The following PCDHA2 variants were observed in gnomAD, a reference collection of about 807,000 sequenced individuals.
The protein encoded by PCDHA2 is protocadherin alpha 2.
PCDHA2 carries 58 observed loss-of-function variants against 66.0 expected under a neutral mutation model. The ratio of observed to expected loss-of-function variants is 0.88; its 90% confidence interval spans 0.71 to 1.09. The LOEUF (loss-of-function observed/expected upper bound fraction) is 1.09, where lower values mean the gene tolerates loss of function less well. Ranked by LOEUF, PCDHA2 falls within the 50% of genes least tolerant of loss-of-function variation. The pLI, the probability that PCDHA2 is intolerant of heterozygous loss-of-function variation, is 0.00. For missense variants in PCDHA2, 1,267 were observed against 1,242.3 expected (o/e 1.02, Z -0.30); for synonymous variants, 634 against 554.0 (o/e 1.14, Z -2.03).
At chr5:140,868,636 TCTCA>T (rs1554162146) in intron 1 of PCDHA2, 1 of 156,044 alleles carries the variant, frequency 6.4e-6, no homozygotes, top group East Asian at 1.9e-4. Flanking sequence ...TCTCTTTCTC[TCTCA>T]CTCTGTGTAT....
chr5:140,848,002 AG>A, intron 1 of PCDHA2: 1 of 156,592 alleles, frequency 6.4e-6, no homozygotes, highest in Admixed American at 6.0e-5. Flanking sequence ...CCAGAACAAA[AG>A]AATTTTGTAA....
intron 3 of PCDHA2, among the ~76,000 whole-genome samples, chr5:140,985,666 A>G (rs547448150): frequency 1.3e-5 from 2 of 151,942 alleles, no homozygotes; most frequent in South Asian, 4.2e-4. Flanking sequence ...GAATAAAGGA[A>G]GTGGGGCCTG....
chr5:141,000,447 G>C (rs2097938373), intron 3 of PCDHA2, among the ~76,000 whole-genome samples: 1 of 41,758 alleles, frequency 2.4e-5, no homozygotes, highest in Admixed American at 2.7e-4. Flanking sequence ...TTTTTTTTGA[G>C]ACAGAGTTTT....
chr5:140,841,773 G>C (rs1292935559), intron 1 of PCDHA2: 2 of 1,613,894 alleles, frequency 1.2e-6, no homozygotes, highest in East Asian at 4.5e-5. Flanking sequence ...CCAGACTCTC[G>C]GTTTCCGCTA....
At chr5:140,973,400 A>G (rs2096585870) in intron 1 of PCDHA2, among the ~76,000 whole-genome samples, 1 of 152,244 alleles carries the variant, frequency 6.6e-6, no homozygotes, top group Non-Finnish European at 1.5e-5. Flanking sequence ...AATCATATCT[A>G]TGAGCTTCCA....
chr5:140,883,740 C>G (rs2059789153), intron 1 of PCDHA2: 1 of 1,613,368 alleles, frequency 6.2e-7, no homozygotes, highest in Non-Finnish European at 8.5e-7. Context: ...GCGCTGGTCT[C>G]CTACTCGCTG....
intron 1 of PCDHA2, among the ~76,000 whole-genome samples, chr5:140,971,149 G>C (rs2096459410): frequency 1.3e-5 from 2 of 152,200 alleles, no homozygotes; most frequent in Admixed American, 1.3e-4. Context: ...GAACAAGTCA[G>C]GCCAGGCTCA....
rs560256618 is a variant in PCDHA2 at position 140,999,889 on chromosome 5, C to T, written c.2537-9738C>T. Among the ~76,000 whole-genome samples the T allele has an allele frequency of 2.0e-5, 3 of 152,292 alleles. No homozygotes were observed. In the East Asian group the frequency reaches 5.8e-4, roughly 29 times the overall value. ...TTACTGAAAATTAGCCCAGCTGTAG[C>T]TTGGGACACCAAACAGCCAAAAAAT... On this transcript the variant is annotated intron_variant, in intron 3 of 3. Coordinates refer to ENST00000526136, the MANE Select transcript of PCDHA2 (RefSeq NM_018905.3).
At chr5:140,861,509 G>A (rs2046952597) in intron 1 of PCDHA2, 1 of 479,912 alleles carries the variant, frequency 2.1e-6, no homozygotes, top group Non-Finnish European at 4.3e-6. Context: ...ACCTCGAGGA[G>A]CTGTGTGGGA....
chr5:140,799,212 A>T (rs1328524413), intron 1 of PCDHA2, among the ~76,000 whole-genome samples: 1 of 152,102 alleles, frequency 6.6e-6, no homozygotes, highest in Non-Finnish European at 1.5e-5. Flanking sequence ...TTCTAAACTC[A>T]TAGTTCCTTT....
chr5:141,011,924 AG>A lies in PCDHA2; in HGVS notation c.*1989del, dbSNP rs1246091886. Reference sequence around the variant, plus strand: ...ATTTAGGCATTAATATAAAAGAGGTAGGAGTCTGTTATTTAAAAAAAGCATT... The same window carrying A: ...ATTTAGGCATTAATATAAAAGAGGTAGAGTCTGTTATTTAAAAAAAGCATT... On this transcript the variant is annotated 3_prime_UTR_variant, in exon 4 of 4. Coordinates refer to ENST00000526136, the MANE Select transcript of PCDHA2 (RefSeq NM_018905.3). 1 of 153,728 alleles carries A rather than the reference AG, an allele frequency of 6.5e-6. No homozygotes were observed. Among genetic ancestry groups the A allele is most frequent in the Non-Finnish European group, 1.5e-5 (1 of 68,042 alleles). 9.5% of individuals were successfully genotyped at this position (153,728 alleles called of 1,614,324 possible).
At chr5:140,912,654 G>T (rs1411811349) in intron 1 of PCDHA2, among the ~76,000 whole-genome samples, 4 of 152,076 alleles carry the variant, frequency 2.6e-5, no homozygotes, top group Non-Finnish European at 5.9e-5. Flanking sequence ...GAATAGAAGT[G>T]GTGAAAATGG....
At chr5:140,848,935 C>G (rs1363080082) in intron 1 of PCDHA2, 1 of 1,607,474 alleles carries the variant, frequency 6.2e-7, no homozygotes, top group Non-Finnish European at 8.5e-7. Context: ...GAATCCAGGC[C>G]GCTTGACTCT....
intron 3 of PCDHA2, among the ~76,000 whole-genome samples, chr5:140,997,614 A>G (rs1355709943): frequency 6.6e-6 from 1 of 152,148 alleles, no homozygotes; most frequent in Admixed American, 6.6e-5. Context: ...GCATGACTAT[A>G]TAGAGATTTT....
intron 1 of PCDHA2, chr5:140,815,363 A>G (rs1247276822): frequency 6.6e-6 from 1 of 151,708 alleles, no homozygotes; most frequent in Non-Finnish European, 1.5e-5. Flanking sequence ...TTCCATAGGT[A>G]TTTTCTTTGT....
chr5:140,803,609 A>G (rs1554122900), intron 1 of PCDHA2: 1 of 1,613,950 alleles, frequency 6.2e-7, no homozygotes, highest in Admixed American at 1.7e-5. Context: ...ATTTTTATTT[A>G]TTCTTTCCAA....
At chr5:140,852,956 C>G (rs2042556592) in intron 1 of PCDHA2, 1 of 438,466 alleles carries the variant, frequency 2.3e-6, no homozygotes, top group Non-Finnish European at 3.1e-6. Flanking sequence ...TTGGCTCACT[C>G]CAAGCTCCCC....
chr5:140,969,292 C>G, intron 1 of PCDHA2: 2 of 1,614,208 alleles, frequency 1.2e-6, no homozygotes, highest in Non-Finnish European at 1.7e-6. Context: ...ATGCTGGGAA[C>G]CTGATTATTC....
At chr5:140,885,581 G>A (rs984552337) in intron 1 of PCDHA2, among the ~76,000 whole-genome samples, 5 of 152,098 alleles carry the variant, frequency 3.3e-5, no homozygotes, top group African/African-American at 1.2e-4. Flanking sequence ...ATGTGGAATT[G>A]ATGCATCAAA....
Sources: gnomAD v4.1 joint callset for allele counts (sites outside exome capture counted in the v4.1 genomes callset) on GRCh38, gnomAD v4.1.1 for gene constraint, MANE v1.5 for transcripts, NCBI Gene and HGNC (gene_info 2026-07-23, HGNC 2026-07-21) for gene names.